Variants in FBXO22 observed in about 807,000 individuals in gnomAD.
FBXO22 encodes F-box only protein 22.
FBXO22 carries 13 observed loss-of-function variants against 37.2 expected under a neutral mutation model. That is an observed-to-expected ratio of 0.35 (90% CI 0.23 to 0.56). The LOEUF (loss-of-function observed/expected upper bound fraction) is 0.56, where lower values mean the gene tolerates loss of function less well. Among genes scored for constraint, FBXO22 ranks in the 20% least tolerant of loss-of-function variants. The probability of loss-of-function intolerance (pLI) is 0.87; values close to 1 mark genes in which losing one functional copy is unlikely to be tolerated. For missense variants in FBXO22, 446 were observed against 509.9 expected (o/e 0.87, Z 1.21); for synonymous variants, 189 against 189.1 (o/e 1.00, Z 0.00).
In FBXO22 at chr15:75,932,990, G is replaced by A. The variant is rs141220458; in HGVS notation, c.1100G>A (p.Arg367Gln). The A allele has an allele frequency of 6.8e-6, 11 of 1,614,120 alleles. No individual in the cohort carries two copies. The highest frequency in any genetic ancestry group is 4.4e-5 in the South Asian group (4 of 91,070). Residue 367 changes from arginine (R) to glutamine (Q), a missense_variant, in exon 7 of 7, where the codon CGG becomes CAG. Arg to Gln is a conservative substitution (Grantham distance 43). Around this residue, in one of 2 missense-constraint regions of FBXO22, gnomAD observed 315 missense variants for 410.1 expected, o/e 0.77. Transcript: ENST00000308275. ...GGAAATGGAGAAATTGGATGTGATC[G>A]GATAGTCACTGGGAACTTTATATTG... is the stretch of plus-strand genomic sequence containing the variant. Reference protein sequence around the residue: ...FFGNGEIGCDRIVTGNFILRK... With the variant: ...FFGNGEIGCDQIVTGNFILRK...
chr15:75,911,239 C>T (rs1475621397), intron 2 of FBXO22, among the ~76,000 whole-genome samples: 1 of 152,158 alleles, frequency 6.6e-6, no homozygotes, highest in African/African-American at 2.4e-5. Context: ...ATTGTCCTGG[C>T]TATACAGGCT....
At chr15:75,922,563 A>G (rs1900350782) in intron 5 of FBXO22, among the ~76,000 whole-genome samples, 1 of 152,214 alleles carries the variant, frequency 6.6e-6, no homozygotes, top group Non-Finnish European at 1.5e-5. Context: ...AGAAATAGTA[A>G]TCATTTTGCA....
At chr15:75,923,244 A>G (rs924941748) in intron 5 of FBXO22, among the ~76,000 whole-genome samples, 3 of 152,300 alleles carry the variant, frequency 2.0e-5, no homozygotes, top group African/African-American at 7.2e-5. Context: ...TATTTGTTAG[A>G]TCATATTTGC....
intron 5 of FBXO22, among the ~76,000 whole-genome samples, chr15:75,922,924 A>T (rs1641995231): frequency 6.6e-6 from 1 of 152,236 alleles, no homozygotes. Flanking sequence ...GAACACTGGG[A>T]CAGGAGGAGC....
chr15:75,916,018 TC>T (rs1284473876), intron 4 of FBXO22, among the ~76,000 whole-genome samples: 3 of 127,786 alleles, frequency 2.3e-5, no homozygotes, highest in Non-Finnish European at 3.1e-5. Flanking sequence ...TTGCACCACT[TC>T]GCTCCAGCCT....
chr15:75,933,407 A>C lies in FBXO22; in HGVS notation c.*305A>C. 3.4e-6 allele frequency: 1 copy of C among 296,252 alleles called. No individual in the cohort carries two copies. The highest frequency in any genetic ancestry group is 6.3e-6 in the Non-Finnish European group (1 of 158,180). The allele number at this position is 296,252 out of a possible 1,614,324, so 18.4% of individuals were successfully genotyped here. On this transcript the variant is annotated 3_prime_UTR_variant, in exon 7 of 7. Transcript: ENST00000308275. The stretch of plus-strand genomic sequence containing the variant: ...CCTTAAATAGTCTTCCTGCATAGGA[A>C]GAGCAAAAGGGTATTCATCAATAGG...
At chr15:75,907,849 A>G (rs780571661) in intron 2 of FBXO22, among the ~76,000 whole-genome samples, 3 of 152,282 alleles carry the variant, frequency 2.0e-5, no homozygotes, top group South Asian at 4.1e-4. Flanking sequence ...TAGCTGAGGT[A>G]CCAGAATCGC....
At chr15:75,906,600 A>G (rs748130208) in intron 2 of FBXO22, among the ~76,000 whole-genome samples, 1 of 152,060 alleles carries the variant, frequency 6.6e-6, no homozygotes, top group Non-Finnish European at 1.5e-5. Context: ...TATTACATCA[A>G]TGCCCCATAT....
chr15:75,940,594 A>G lies in FBXO22; in HGVS notation c.*7492A>G, dbSNP rs745720206. ...AAACCTGCAGAGTTTAAAACTTACT[A>G]TAATGCTACAGTAATCAAAACAATG... On this transcript the variant is annotated 3_prime_UTR_variant, in exon 7 of 7. Coordinates refer to ENST00000308275, the MANE Select transcript of FBXO22 (RefSeq NM_147188.3). 7 of 152,128 alleles carry G rather than the reference A, an allele frequency of 4.6e-5. No homozygotes were observed. Among genetic ancestry groups the G allele is most frequent in the African/African-American group, 1.7e-4 (7 of 41,432 alleles). 9.4% of individuals were successfully genotyped at this position (152,128 alleles called of 1,614,324 possible). A position where few individuals can be genotyped will look rare whatever the true frequency, so the allele number is the denominator to read the frequency against.
chr15:75,932,190 G>T (rs2030049804), intron 6 of FBXO22, among the ~76,000 whole-genome samples: 1 of 152,130 alleles, frequency 6.6e-6, no homozygotes, highest in Non-Finnish European at 1.5e-5. Flanking sequence ...CTTCAGCCTA[G>T]CTAACAGAGA....
intron 2 of FBXO22, among the ~76,000 whole-genome samples, chr15:75,908,883 C>CT (rs1595910803): frequency 1.3e-5 from 2 of 152,190 alleles, no homozygotes; most frequent in African/African-American, 2.4e-5. Context: ...ATCCGTAGGT[C>CT]TTGGGCAGCC....
intron 2 of FBXO22, among the ~76,000 whole-genome samples, chr15:75,905,056 C>T (rs1899896671): frequency 6.6e-6 from 1 of 152,140 alleles, no homozygotes; most frequent in Non-Finnish European, 1.5e-5. Context: ...ATCTCCTGAC[C>T]TCGTGATCCG....
intron 2 of FBXO22, among the ~76,000 whole-genome samples, chr15:75,904,989 A>G (rs1391800724): frequency 6.6e-6 from 1 of 152,040 alleles, no homozygotes; most frequent in African/African-American, 2.4e-5. Context: ...ATGCCCAGCT[A>G]ATTTTTTGTA....
At chr15:75,916,068 A>G (rs1595913676) in intron 4 of FBXO22, among the ~76,000 whole-genome samples, 1 of 151,498 alleles carries the variant, frequency 6.6e-6, no homozygotes, top group African/African-American at 2.4e-5. Flanking sequence ...AAAAAAAAAA[A>G]AAAAAAAAAA....
rs931948258 is a variant in FBXO22 at position 75,935,761 on chromosome 15, C to A, written c.*2659C>A. ...AACAAAGTGAACATGCAAAGAATTA[C>A]AATAGAAATAAACTTTTACAAATCT... On this transcript the variant is annotated 3_prime_UTR_variant, in exon 7 of 7. Transcript: ENST00000308275. 6.6e-6 allele frequency: 1 copy of A among 152,062 alleles called. No homozygotes were observed. The highest frequency in any genetic ancestry group is 6.6e-5 in the Admixed American group (1 of 15,266). 9.4% of individuals were successfully genotyped at this position (152,062 alleles called of 1,614,324 possible). A position where few individuals can be genotyped will look rare whatever the true frequency, so the allele number is the denominator to read the frequency against.
chr15:75,912,977 T>C (rs560045662), intron 2 of FBXO22, among the ~76,000 whole-genome samples: 2 of 152,342 alleles, frequency 1.3e-5, no homozygotes, highest in East Asian at 3.9e-4. Flanking sequence ...CTTGTTCTCA[T>C]TGGTTTCAAA....
In FBXO22 at chr15:75,937,508, CA is replaced by C. The variant is rs58256641; in HGVS notation, c.*4430del. On this transcript the variant is annotated 3_prime_UTR_variant, in exon 7 of 7. Transcript: ENST00000308275. Reference sequence around the variant, plus strand: ...TGGGCAATGGAGCAAGACTCTGTCTCAAAAAAAAAAAAAAAAAAAAAAAAGC... The same window carrying C: ...TGGGCAATGGAGCAAGACTCTGTCTCAAAAAAAAAAAAAAAAAAAAAAAGC... 9.6e-3 allele frequency: 800 copies of C among 83,134 alleles called. 3 individuals carry two copies. Among genetic ancestry groups the C allele is most frequent in the African/African-American group, 0.027 (626 of 23,620 alleles). 5.1% of individuals were successfully genotyped at this position (83,134 alleles called of 1,614,324 possible). A position where few individuals can be genotyped will look rare whatever the true frequency, so the allele number is the denominator to read the frequency against.
At position 75,940,283 on chromosome 15, in the gene FBXO22, C is replaced by T. The variant is rs1181027461; in HGVS notation, c.*7181C>T. On this transcript the variant is annotated 3_prime_UTR_variant, in exon 7 of 7. Coordinates refer to ENST00000308275, the MANE Select transcript of FBXO22 (RefSeq NM_147188.3). ...ATAAAATGCACAGAAATTAGCTTAC[C>T]CAAGGTGGTAAATGGCTTGTACAAT... The T allele has an allele frequency of 6.6e-6, 1 of 151,928 alleles. No individual in the cohort carries two copies. The highest frequency in any genetic ancestry group is 1.5e-5 in the Non-Finnish European group (1 of 67,910). The allele number at this position is 151,928 out of a possible 1,614,324, so 9.4% of individuals were successfully genotyped here.
intron 4 of FBXO22, 66 bp downstream of exon 4, chr15:75,914,271 G>A (rs1041787564): frequency 1.3e-5 from 14 of 1,099,870 alleles, no homozygotes; most frequent in Non-Finnish European, 1.8e-5. Context: ...GGATTGGTGA[G>A]TTATTTTTAG....
Sources: allele counts gnomAD v4.1 joint callset (sites outside exome capture counted in the v4.1 genomes callset), GRCh38; gene constraint gnomAD v4.1.1; regional missense constraint gnomAD v4.1.1; transcripts MANE v1.5; gene names NCBI Gene and HGNC (gene_info 2026-07-23, HGNC 2026-07-21).